The following FRRS1 variants were observed in gnomAD, a reference collection of about 807,000 sequenced individuals.
FRRS1 encodes ferric reductase 1.
In FRRS1, 51 loss-of-function variants were observed where a neutral mutation model predicts 70.7. The observed-to-expected ratio is 0.72, with a 90% CI of 0.58 to 0.91. The LOEUF is 0.91. Ranked by LOEUF, FRRS1 falls within the 40% of genes least tolerant of loss-of-function variation. FRRS1 has a pLI of 0.00. For missense variants in FRRS1, 672 were observed against 726.0 expected (o/e 0.93, Z 0.86); for synonymous variants, 225 against 238.7 (o/e 0.94, Z 0.53).
intron 7 of FRRS1, among the ~76,000 whole-genome samples, chr1:99,735,352 G>T (rs748349908): frequency 4.2e-4 from 64 of 152,070 alleles, no homozygotes; most frequent in Admixed American, 1.7e-3. Context: ...TAGTGATGAG[G>T]TCTAACATAC....
chr1:99,742,155 A>G (rs1323888944), intron 5 of FRRS1, 24 bp downstream of exon 5: 4 of 1,461,966 alleles, frequency 2.7e-6, no homozygotes, highest in South Asian at 1.1e-5. Flanking sequence ...TGCCTGGCCC[A>G]GAATTATAAA....
chr1:99,714,575 C>T (rs1222207690), intron 12 of FRRS1, among the ~76,000 whole-genome samples: 1 of 152,202 alleles, frequency 6.6e-6, no homozygotes, highest in Non-Finnish European at 1.5e-5. Context: ...TAAGTGGCTA[C>T]TGCAATGGCC....
chr1:99,720,538 A>G (rs1350722510), intron 9 of FRRS1, among the ~76,000 whole-genome samples: 1 of 152,140 alleles, frequency 6.6e-6, no homozygotes, highest in African/African-American at 2.4e-5. Flanking sequence ...TAAATATTAG[A>G]CCTCAAACTA....
intron 8 of FRRS1, among the ~76,000 whole-genome samples, 155 bp from the exon 9 acceptor site, chr1:99,728,795 G>A (rs1417487795): frequency 6.6e-6 from 1 of 152,152 alleles, no homozygotes; most frequent in South Asian, 2.1e-4. Flanking sequence ...CCTCTTTGAA[G>A]AGAACAAGAA....
intron 1 of FRRS1, among the ~76,000 whole-genome samples, chr1:99,758,886 T>C (rs934797503): frequency 7.9e-5 from 12 of 152,084 alleles, no homozygotes; most frequent in African/African-American, 2.9e-4. Flanking sequence ...GGAATGTCTG[T>C]CTTATGGGGT....
intron 1 of FRRS1, among the ~76,000 whole-genome samples, chr1:99,755,192 G>A (rs762340875): frequency 6.6e-6 from 1 of 151,942 alleles, no homozygotes; most frequent in Non-Finnish European, 1.5e-5. Context: ...GACTAAAGCC[G>A]GAGAATTACT....
chr1:99,713,922 G>T (rs913219976), intron 12 of FRRS1, among the ~76,000 whole-genome samples: 1 of 152,076 alleles, frequency 6.6e-6, no homozygotes, highest in African/African-American at 2.4e-5. Context: ...GAAGGTGAGG[G>T]AGTAATGGAA....
At chr1:99,734,850 G>A (rs977462239) in intron 7 of FRRS1, among the ~76,000 whole-genome samples, 8 of 152,122 alleles carry the variant, frequency 5.3e-5, no homozygotes, top group Non-Finnish European at 1.2e-4. Context: ...ACATCTGGAC[G>A]AGACCAGCCT....
At chr1:99,754,297 G>A (rs1310544695) in intron 1 of FRRS1, among the ~76,000 whole-genome samples, 2 of 152,164 alleles carry the variant, frequency 1.3e-5, no homozygotes, top group African/African-American at 2.4e-5. Flanking sequence ...GAGACTGTCT[G>A]TAAAAACAAA....
rs751771777 is a variant in FRRS1, at chr1:99,728,597, A to G, written c.902T>C (p.Met301Thr). The G allele has an allele frequency of 3.2e-5, 52 of 1,613,970 alleles. No individual in the cohort carries two copies. The highest frequency in any genetic ancestry group is 6.7e-5 in the Admixed American group (4 of 60,006). ...DMAWRLADGV[M>T]QCSFRRNITL... ...AATGTTTCTTCTGAAAGAACACTGC[A>G]TAACACCGTCCGCCAACCTCCAAGC... Residue 301 changes from methionine to threonine, a missense_variant, in exon 9 of 17, where the codon ATG becomes ACG. Met to Thr is a moderately conservative substitution (Grantham distance 81). Coordinates refer to ENST00000646001, the MANE Select transcript of FRRS1 (RefSeq NM_001361041.2).
chr1:99,746,558 G>A (rs1317804094), intron 4 of FRRS1, among the ~76,000 whole-genome samples: 14 of 152,200 alleles, frequency 9.2e-5, no homozygotes, highest in Admixed American at 9.2e-4. Flanking sequence ...AAATTCAAGA[G>A]CTAATAGACA....
intron 4 of FRRS1, among the ~76,000 whole-genome samples, chr1:99,745,465 G>A (rs1199034824): frequency 1.3e-5 from 2 of 152,060 alleles, no homozygotes; most frequent in Admixed American, 6.5e-5. Flanking sequence ...GGGAGGATCA[G>A]TTGAGGTCAG....
intron 9 of FRRS1, among the ~76,000 whole-genome samples, chr1:99,725,965 C>A (rs529585272): frequency 2.0e-5 from 3 of 152,184 alleles, no homozygotes; most frequent in Admixed American, 1.3e-4. Flanking sequence ...AATCAATAAT[C>A]ATTTATGAAG....
chr1:99,711,054 G>C, intron 14 of FRRS1, 105 bp from the exon 15 acceptor site: 1 of 963,164 alleles, frequency 1.0e-6, no homozygotes, highest in South Asian at 1.9e-5. Context: ...AAAAGAGTTT[G>C]AGATAAAAGA....
At chr1:99,744,094 A>T (rs1419502972) in intron 4 of FRRS1, among the ~76,000 whole-genome samples, 2 of 152,050 alleles carry the variant, frequency 1.3e-5, no homozygotes, top group East Asian at 3.8e-4. Context: ...AAAAGAAAAG[A>T]AAATTCGTAA....
At chr1:99,711,241 T>C in intron 14 of FRRS1, 1 of 335,338 alleles carries the variant, frequency 3.0e-6, no homozygotes, top group South Asian at 4.9e-5. Context: ...GTGAACATAG[T>C]ACCCAAAGGG....
At chr1:99,721,787 CG>C (rs1463083634) in intron 9 of FRRS1, among the ~76,000 whole-genome samples, 7 of 151,442 alleles carry the variant, frequency 4.6e-5, no homozygotes, top group Admixed American at 3.9e-4. Context: ...TTAGTAGAGA[CG>C]GGGTTTCGCC....
At chr1:99,760,982 T>C (rs1019194356) in intron 1 of FRRS1, among the ~76,000 whole-genome samples, 4 of 151,876 alleles carry the variant, frequency 2.6e-5, no homozygotes, top group Non-Finnish European at 5.9e-5. Flanking sequence ...GATTTTAGAG[T>C]TTGAGTGAAA....
At position 99,748,652 on chromosome 1, in the gene FRRS1, A is replaced by T. The variant is rs140688438; in HGVS notation, c.117T>A (p.His39Gln). The part of the protein sequence containing the change: ...TQSCHGMIPE[H>Q]GHSPQSVPVH... ...CAGGAACAGACTGTGGACTATGACCATGTTCAGGAATCATTCCATGGCATG... is the reference window on the plus strand; with the variant it reads ...CAGGAACAGACTGTGGACTATGACCTTGTTCAGGAATCATTCCATGGCATG... Residue 39 changes from histidine (H) to glutamine (Q), a missense_variant, in exon 3 of 17, where the codon CAT (histidine) becomes CAA (glutamine). His to Gln is a conservative substitution (Grantham distance 24). Transcript: ENST00000646001. The T allele has an allele frequency of 2.5e-6, 4 of 1,614,046 alleles. No homozygotes were observed. Among genetic ancestry groups the T allele is most frequent in the East Asian group, 2.2e-5 (1 of 44,864 alleles).
Sources: gnomAD v4.1 joint callset for allele counts (sites outside exome capture counted in the v4.1 genomes callset) on GRCh38, gnomAD v4.1.1 for gene constraint, MANE v1.5 for transcripts, NCBI Gene and HGNC (gene_info 2026-07-23, HGNC 2026-07-21) for gene names.